Variants in SLC2A9 observed in about 807,000 individuals in gnomAD.
SLC2A9 encodes solute carrier family 2, facilitated glucose transporter member 9.
A neutral mutation model predicts 50.6 loss-of-function variants in SLC2A9; 39 were observed. The observed-to-expected ratio is 0.77, with a 90% CI of 0.60 to 1.01. The LOEUF (loss-of-function observed/expected upper bound fraction) is 1.01. Ranked by LOEUF, SLC2A9 falls within the 50% of genes least tolerant of loss-of-function variation. SLC2A9 has a pLI of 0.00. For missense variants in SLC2A9, 686 were observed against 677.6 expected (o/e 1.01, Z -0.14); for synonymous variants, 324 against 276.9 (o/e 1.17, Z -1.69).
chr4:9,900,886 T>C (rs1413936599), intron 8 of SLC2A9, among the ~76,000 whole-genome samples: 2 of 152,276 alleles, frequency 1.3e-5, no homozygotes, highest in Non-Finnish European at 1.5e-5. Context: ...TGAGGGTAAC[T>C]GCTCCTATGA....
downstream of SLC2A9, among the ~76,000 whole-genome samples, chr4:9,797,175 C>T (rs1048522928): frequency 2.0e-5 from 3 of 152,196 alleles, no homozygotes; most frequent in African/African-American, 7.2e-5. Context: ...GCCTTCACTA[C>T]AGACTGTGGT....
At chr4:10,021,995 C>A (rs180747373), upstream of SLC2A9, among the ~76,000 whole-genome samples, 2 of 152,088 alleles carry the variant, frequency 1.3e-5, no homozygotes, top group African/African-American at 4.8e-5. Context: ...TGTGCCACCA[C>A]GCCTGGCTGA....
At chr4:9,907,397 C>T (rs970338384) in intron 8 of SLC2A9, among the ~76,000 whole-genome samples, 1 of 152,196 alleles carries the variant, frequency 6.6e-6, no homozygotes, top group Non-Finnish European at 1.5e-5. Context: ...GGTTCTGAAG[C>T]CACCCAACTT....
At chr4:9,959,395 C>CA (rs397973896) in intron 5 of SLC2A9, among the ~76,000 whole-genome samples, 46,170 of 124,662 alleles carry the variant, frequency 0.37, 9,845 homozygotes, top group African/African-American at 0.62. Context: ...AACTCTGTCT[C>CA]AAAAAAAAAA....
At chr4:9,928,061 G>C (rs1219809366) in intron 6 of SLC2A9, among the ~76,000 whole-genome samples, 3 of 152,148 alleles carry the variant, frequency 2.0e-5, no homozygotes, top group Non-Finnish European at 4.4e-5. Context: ...AGGACCTCTT[G>C]AGCCCAGGAG....
chr4:9,905,139 C>T, intron 8 of SLC2A9, among the ~76,000 whole-genome samples: 1 of 152,250 alleles, frequency 6.6e-6, no homozygotes, highest in East Asian at 1.9e-4. Context: ...AGTATGAGTG[C>T]ACCTTAGGTG....
At chr4:9,921,432 G>T (rs908550133) in intron 6 of SLC2A9, among the ~76,000 whole-genome samples, 10 of 152,176 alleles carry the variant, frequency 6.6e-5, no homozygotes, top group African/African-American at 2.4e-4. Flanking sequence ...AGATTTCAAT[G>T]CTCAGTGCTC....
chr4:9,978,596 A>T (rs1755190673), intron 5 of SLC2A9, among the ~76,000 whole-genome samples: 1 of 152,224 alleles, frequency 6.6e-6, no homozygotes, highest in South Asian at 2.1e-4. Flanking sequence ...AACAAAAAGC[A>T]AAAGAGTCTC....
At chr4:9,915,602 C>T (rs1180265547) in intron 7 of SLC2A9, among the ~76,000 whole-genome samples, 1 of 152,156 alleles carries the variant, frequency 6.6e-6, no homozygotes, top group Non-Finnish European at 1.5e-5. Context: ...AACTGAGGCA[C>T]GGAGGAGTCA....
intron 5 of SLC2A9, among the ~76,000 whole-genome samples, chr4:9,958,942 T>C (rs997745468): frequency 6.6e-6 from 1 of 151,684 alleles, no homozygotes; most frequent in Non-Finnish European, 1.5e-5. Flanking sequence ...ATAAAAACAA[T>C]GATGGAATTA....
intron 3 of SLC2A9, among the ~76,000 whole-genome samples, chr4:9,802,892 T>C (rs966999876): frequency 2.0e-5 from 3 of 152,180 alleles, no homozygotes; most frequent in African/African-American, 4.8e-5. Flanking sequence ...TCCTGCCTTA[T>C]CCAGGAATAT....
intron 3 of SLC2A9, among the ~76,000 whole-genome samples, chr4:9,791,728 T>C (rs945158320): frequency 1.3e-5 from 2 of 151,990 alleles, no homozygotes; most frequent in African/African-American, 4.8e-5. Context: ...TGAGGGAGCT[T>C]GGAAAGGAAG....
At chr4:9,796,005 C>CA (rs551231722), downstream of SLC2A9, among the ~76,000 whole-genome samples, 43 of 152,242 alleles carry the variant, frequency 2.8e-4, 1 homozygote, top group East Asian at 7.7e-3. Flanking sequence ...TTACAGGTGA[C>CA]AAAATTGAGG....
intron 10 of SLC2A9, among the ~76,000 whole-genome samples, chr4:9,885,064 G>A (rs1735932492): frequency 6.6e-6 from 1 of 152,114 alleles, no homozygotes; most frequent in Non-Finnish European, 1.5e-5. Context: ...AATAGCTAAT[G>A]CAGGCTGGGC....
intron 1 of SLC2A9, among the ~76,000 whole-genome samples, chr4:10,019,950 T>C (rs1215585760): frequency 3.3e-5 from 5 of 152,190 alleles, no homozygotes; most frequent in Admixed American, 1.3e-4. Context: ...GGGATGGCTG[T>C]CCTCAGCTGG....
chr4:9,822,821 AT>A (rs1039984827), downstream of SLC2A9, among the ~76,000 whole-genome samples: 10 of 151,994 alleles, frequency 6.6e-5, no homozygotes, highest in South Asian at 2.1e-4. Context: ...GTTTGATCAC[AT>A]TTTTTTCCCC....
chr4:9,920,684 G>A (rs1037902789), intron 6 of SLC2A9, 112 bp from the exon 7 acceptor site: 1 of 1,253,604 alleles, frequency 8.0e-7, no homozygotes, highest in East Asian at 2.4e-5. Context: ...CTTAGCTGGG[G>A]GCGGAACTTG....
chr4:9,772,125 G>T (rs1039706142), intron 1 of SLC2A9, among the ~76,000 whole-genome samples: 2 of 152,194 alleles, frequency 1.3e-5, no homozygotes, highest in African/African-American at 4.8e-5. Context: ...GGATTGCCTT[G>T]GTGGTAGAAT....
intron 6 of SLC2A9, among the ~76,000 whole-genome samples, chr4:9,936,611 G>A (rs1747128227): frequency 6.6e-6 from 1 of 152,226 alleles, no homozygotes; most frequent in East Asian, 1.9e-4. Flanking sequence ...AGCAGCAGGT[G>A]TCTGCTGAAT....
Sources: gnomAD v4.1 joint callset for allele counts (sites outside exome capture counted in the v4.1 genomes callset) on GRCh38, gnomAD v4.1.1 for gene constraint, MANE v1.5 for transcripts, NCBI Gene and HGNC (gene_info 2026-07-23, HGNC 2026-07-21) for gene names.